The following NSUN6 variants were observed in gnomAD, a reference collection of about 807,000 sequenced individuals.
The protein encoded by NSUN6 is NOP2/Sun RNA methyltransferase 6.
In NSUN6, 64 loss-of-function variants were observed where a neutral mutation model predicts 58.0. The observed-to-expected ratio is 1.10, with a 90% CI of 0.90 to 1.36. The LOEUF (loss-of-function observed/expected upper bound fraction) is 1.36, where lower values mean the gene tolerates loss of function less well. Ranked by LOEUF, NSUN6 falls within the 40% of genes most tolerant of loss-of-function variation. The pLI, the probability that NSUN6 is intolerant of heterozygous loss-of-function variation, is 0.00. For synonymous variants in NSUN6, 231 were observed against 193.9 expected, an observed-to-expected ratio of 1.19 and a Z score of -1.59; for missense variants, 701 against 550.1, an observed-to-expected ratio of 1.27 and a Z score of -2.74.
At chr10:18,626,268 G>C (rs1199243974) in intron 3 of NSUN6, among the ~76,000 whole-genome samples, 3 of 151,450 alleles carry the variant, frequency 2.0e-5, no homozygotes, top group Non-Finnish European at 4.4e-5. Context: ...GGCCAGGCAT[G>C]GTGGCTCCTG....
At chr10:18,652,869 G>GTT (rs1238214242), upstream of NSUN6, 1 of 980,610 alleles carries the variant, frequency 1.0e-6, no homozygotes, top group Non-Finnish European at 1.2e-6. Context: ...CATTTTCTCT[G>GTT]TTTTAAAGAG....
At chr10:18,603,204 A>C (rs890081924) in intron 6 of NSUN6, among the ~76,000 whole-genome samples, 2 of 152,282 alleles carry the variant, frequency 1.3e-5, no homozygotes, top group Middle Eastern at 6.8e-3. Context: ...GAGGCATGAG[A>C]ATCGGTTGAA....
At chr10:18,600,959 T>TATATATATATGTATATATATATATAC in intron 6 of NSUN6, among the ~76,000 whole-genome samples, 3 of 64,960 alleles carry the variant, frequency 4.6e-5, no homozygotes, top group Non-Finnish European at 9.2e-5. Flanking sequence ...TATATATATA[T>TATATATATATGTATATATATATATAC]ACATATATAT....
At chr10:18,612,271 A>G (rs1351803426) in intron 5 of NSUN6, among the ~76,000 whole-genome samples, 1 of 152,106 alleles carries the variant, frequency 6.6e-6, no homozygotes, top group Admixed American at 6.6e-5. Flanking sequence ...AAAAATTAAA[A>G]TATCAGCTGA....
chr10:18,624,957 C>T (rs1256100955), intron 3 of NSUN6, among the ~76,000 whole-genome samples: 26 of 152,286 alleles, frequency 1.7e-4, no homozygotes, highest in African/African-American at 5.8e-4. Context: ...AATTTCGGTA[C>T]ATGCTACGCA....
intron 2 of NSUN6, among the ~76,000 whole-genome samples, chr10:18,646,892 T>C (rs1156648864): frequency 1.3e-5 from 2 of 152,164 alleles, no homozygotes; most frequent in Non-Finnish European, 2.9e-5. Context: ...CTCAGAACAG[T>C]TTCCTTTTTA....
intron 8 of NSUN6, among the ~76,000 whole-genome samples, chr10:18,560,728 GGAGAATGGAATA>G (rs1271814740): frequency 2.7e-5 from 4 of 150,210 alleles, no homozygotes; most frequent in African/African-American, 2.4e-5. Flanking sequence ...GGAATGGAAT[GGAGAATGGAATA>G]GAGAATGGAA....
rs778696253 is a variant in NSUN6 at position 18,551,878 on chromosome 10, C to A, written c.1016G>T (p.Trp339Leu). ...ATATGATGCCACTTCCTTCACAGAC[C>A]AAGTACAGGCCATGTTTGGTCTCTG... ...MGQRPNMACTWSVKEVASYQP... is the reference protein window; with the variant it reads ...MGQRPNMACTLSVKEVASYQP... Residue 339 changes from tryptophan to leucine, a missense_variant, in exon 9 of 11, where the codon TGG becomes TTG. Transcript: ENST00000377304. 1.9e-6 allele frequency: 3 copies of A among 1,613,256 alleles called. No individual in the cohort carries two copies. The African/African-American group carries it at 4.0e-5, about 22-fold the overall frequency.
intron 8 of NSUN6, among the ~76,000 whole-genome samples, chr10:18,576,523 C>T (rs1449394976): frequency 6.6e-6 from 1 of 152,138 alleles, no homozygotes; most frequent in Middle Eastern, 3.2e-3. Flanking sequence ...TAAACTAAAA[C>T]TCTTTTCCAG....
At chr10:18,567,302 C>G (rs2056028207) in intron 8 of NSUN6, among the ~76,000 whole-genome samples, 1 of 150,780 alleles carries the variant, frequency 6.6e-6, no homozygotes, top group South Asian at 2.1e-4. Context: ...CTATACCATC[C>G]TCCATTCCAT....
At chr10:18,549,225 C>T (rs1564697620) in intron 9 of NSUN6, among the ~76,000 whole-genome samples, 1 of 152,142 alleles carries the variant, frequency 6.6e-6, no homozygotes, top group Non-Finnish European at 1.5e-5. Flanking sequence ...ATAAACAAGT[C>T]TCTTGTTGCC....
rs532975838 is a variant in NSUN6 at position 18,611,342 on chromosome 10, G to C, written c.576-1416C>G. 1.1e-4 allele frequency among the ~76,000 whole-genome samples: 16 copies of C among 152,216 alleles called. No individual in the cohort carries two copies. The South Asian group carries it at 2.1e-3, about 20-fold the overall frequency. ...GCAGACAAGTTCATAGCTAGCTTAT[G>C]GAACAGTTTATGAGTTGATCTTGGC... On this transcript the variant is annotated intron_variant, in intron 5 of 10. Transcript: ENST00000377304.
intron 6 of NSUN6, among the ~76,000 whole-genome samples, chr10:18,598,429 T>C (rs746664099): frequency 1.9e-4 from 29 of 152,208 alleles, no homozygotes; most frequent in Non-Finnish European, 3.7e-4. Flanking sequence ...CTATAGTTTA[T>C]CCAGCAAGCT....
intron 8 of NSUN6, among the ~76,000 whole-genome samples, chr10:18,583,243 A>C (rs927061572): frequency 6.6e-6 from 1 of 152,154 alleles, no homozygotes; most frequent in African/African-American, 2.4e-5. Context: ...CTAACAATAG[A>C]TAACCACCTT....
At chr10:18,573,484 T>C (rs1257832498) in intron 8 of NSUN6, among the ~76,000 whole-genome samples, 1 of 151,718 alleles carries the variant, frequency 6.6e-6, no homozygotes, top group Non-Finnish European at 1.5e-5. Flanking sequence ...TTCCATTGCA[T>C]TCTCCATACC....
intron 2 of NSUN6, among the ~76,000 whole-genome samples, chr10:18,646,546 G>GA (rs1043863652): frequency 5.8e-5 from 2 of 34,238 alleles, no homozygotes; most frequent in Middle Eastern, 0.011. Context: ...ATTTGTTGTG[G>GA]AAAAAAAAAA....
chr10:18,623,694 A>T (rs1468536623), intron 3 of NSUN6, among the ~76,000 whole-genome samples: 1 of 152,222 alleles, frequency 6.6e-6, no homozygotes, highest in Admixed American at 6.5e-5. Flanking sequence ...AACTGCCAAA[A>T]AGCAGCCCAG....
At chr10:18,593,286 G>A (rs977915552) in intron 7 of NSUN6, among the ~76,000 whole-genome samples, 1 of 152,182 alleles carries the variant, frequency 6.6e-6, no homozygotes, top group African/African-American at 2.4e-5. Context: ...AACCGCTGTG[G>A]AAGACAGTGT....
intron 7 of NSUN6, among the ~76,000 whole-genome samples, chr10:18,589,065 AG>A (rs1448121144): frequency 3.3e-5 from 5 of 152,354 alleles, no homozygotes; most frequent in Middle Eastern, 6.8e-3. Flanking sequence ...CAGTTTAGAG[AG>A]GAACATAAAT....
Sources: allele counts gnomAD v4.1 joint callset (sites outside exome capture counted in the v4.1 genomes callset), GRCh38; gene constraint gnomAD v4.1.1; transcripts MANE v1.5; gene names NCBI Gene and HGNC (gene_info 2026-07-23, HGNC 2026-07-21).